HIBCH: variants seen among roughly 807,000 people sequenced by gnomAD.
HIBCH encodes 3-hydroxyisobutyryl-CoA hydrolase, also known as 3-hydroxyisobutyryl-CoA hydrolase, mitochondrial.
In HIBCH, 50 loss-of-function variants were observed where a neutral mutation model predicts 58.2. The observed-to-expected ratio is 0.86, with a 90% confidence interval of 0.68 to 1.09. The LOEUF is 1.09. HIBCH is among the 50% of genes least tolerant of loss of function. The pLI is 0.00. For synonymous variants in HIBCH, 151 were observed against 146.9 expected (o/e 1.03, Z -0.20); for missense variants, 450 against 449.7 (o/e 1.00, Z -0.01).
intron 11 of HIBCH, 136 bp from the exon 12 acceptor site, chr2:190,213,211 C>A (rs1690555591): frequency 2.8e-6 from 2 of 719,672 alleles, no homozygotes; most frequent in Non-Finnish European, 2.3e-6. Context: ...CTTAATCCTG[C>A]CAAAGCACCA....
chr2:190,263,494 C>T (rs1687150501), intron 6 of HIBCH, among the ~76,000 whole-genome samples: 2 of 152,274 alleles, frequency 1.3e-5, no homozygotes, highest in South Asian at 4.2e-4. Context: ...TCCTTCTACT[C>T]CACTTCACTC....
At position 190,319,745 on chromosome 2, in the gene HIBCH, C is replaced by T; in HGVS notation, c.6G>A (p.Gly2=). The T allele has an allele frequency of 1.2e-6, 2 of 1,612,738 alleles. No homozygotes were observed. The highest frequency in any genetic ancestry group is 1.6e-4 in the Middle Eastern group (1 of 6,062). ...ACATGAGCCTCCACATCTCGCGCTG[C>T]CCCATCGCCAAACACTCCGAAGCTA... M[G]QREMWRLMSR... is the part of the protein sequence containing the mutation. Residue 2 remains glycine (G), a synonymous_variant, in exon 1 of 14, where the codon GGG becomes GGA. Coordinates refer to ENST00000359678, the MANE Select transcript of HIBCH (RefSeq NM_014362.4).
In HIBCH at chr2:190,204,434, G is replaced by A. The variant is rs942528184; in HGVS notation, c.*683C>T. ...GGGATGGTATTCTGATTATTTTAGG[G>A]AAGACCAAGTCTGAGTTAATACTGA... On this transcript the variant is annotated 3_prime_UTR_variant, in exon 14 of 14. Coordinates refer to ENST00000359678, the MANE Select transcript of HIBCH (RefSeq NM_014362.4). The A allele has an allele frequency of 2.6e-5, 4 of 152,064 alleles. No homozygotes were observed. The highest frequency in any genetic ancestry group is 1.3e-4 in the Admixed American group (2 of 15,254). 9.4% of individuals were successfully genotyped at this position (152,064 alleles called of 1,614,324 possible). A position where few individuals can be genotyped will look rare whatever the true frequency, so the allele number is the denominator to read the frequency against.
intron 6 of HIBCH, among the ~76,000 whole-genome samples, chr2:190,276,046 C>A (rs1248929279): frequency 6.6e-6 from 1 of 152,154 alleles, no homozygotes; most frequent in Non-Finnish European, 1.5e-5. Context: ...CATGGCTTTA[C>A]CAGTATGATC....
At chr2:190,261,121 T>C (rs1219437105) in intron 7 of HIBCH, 35 bp downstream of exon 7, 7 of 1,468,204 alleles carry the variant, frequency 4.8e-6, no homozygotes, top group Non-Finnish European at 1.9e-6. Context: ...AAGATGATGC[T>C]AAAAGTAATT....
rs548346339 is a variant in HIBCH, at chr2:190,254,557, CTAAACAGAACCA to C, written c.518-2262_518-2251del. 2.8e-3 allele frequency among the ~76,000 whole-genome samples: 420 copies of C among 152,282 alleles called. No homozygotes were observed. Among genetic ancestry groups the C allele is most frequent in the African/African-American group, 9.7e-3 (405 of 41,542 alleles). The stretch of plus-strand genomic sequence containing the variant: ...AACACTGAACTCTTAGATCTGCCAC[CTAAACAGAACCA>C]CATAGATAATAAGTATCTCACATTT... On this transcript the variant is annotated intron_variant, in intron 7 of 13. Coordinates refer to ENST00000359678, the MANE Select transcript of HIBCH (RefSeq NM_014362.4). This position sits in a 1 kb window ranked among gnomAD's most constrained non-coding sequence, Gnocchi z 5.0.
intron 2 of HIBCH, among the ~76,000 whole-genome samples, chr2:190,308,883 A>C (rs1426747489): frequency 6.6e-6 from 1 of 152,184 alleles, no homozygotes; most frequent in East Asian, 1.9e-4. Context: ...GGGCGTACAA[A>C]GTAAATCTAT....
Position 190,261,024 on chromosome 2 carries a change from T to TC in HIBCH, c.517+131dup. 4.2e-6 allele frequency: 3 copies of TC among 706,108 alleles called. No homozygotes were observed. The South Asian group carries it at 5.1e-5, about 12-fold the overall frequency. 43.7% of individuals were successfully genotyped at this position (706,108 alleles called of 1,614,324 possible). A position where few individuals can be genotyped will look rare whatever the true frequency, so the allele number is the denominator to read the frequency against. ...CTTCAAAGTATCTTCCTATTTAATT[T>TC]CTTTTTTAAAATCCTTTCATTGTTG... On this transcript the variant is annotated intron_variant, in intron 7 of 13. Coordinates refer to ENST00000359678, the MANE Select transcript of HIBCH (RefSeq NM_014362.4).
chr2:190,205,059 C>T lies in HIBCH; in HGVS notation c.*58G>A. On this transcript the variant is annotated 3_prime_UTR_variant, in exon 14 of 14. Coordinates refer to ENST00000359678, the MANE Select transcript of HIBCH (RefSeq NM_014362.4). ...AAAACAGGCAGCAGGCTGGATTTGG[C>T]CCACATGCTGTAGATTGCCAACCCA... The T allele has an allele frequency of 2.2e-6, 2 of 898,890 alleles. No homozygotes were observed. Among genetic ancestry groups the T allele is most frequent in the South Asian group, 2.7e-5 (2 of 73,702 alleles). 55.7% of individuals were successfully genotyped at this position (898,890 alleles called of 1,614,324 possible). A position where few individuals can be genotyped will look rare whatever the true frequency, so the allele number is the denominator to read the frequency against.
At chr2:190,261,101 A>G (rs1478647817) in intron 7 of HIBCH, 55 bp downstream of exon 7, 2 of 1,271,910 alleles carry the variant, frequency 1.6e-6, no homozygotes, top group Non-Finnish European at 2.3e-6. Flanking sequence ...ACTCTGAAAC[A>G]TATCAAAAGA....
intron 6 of HIBCH, among the ~76,000 whole-genome samples, chr2:190,269,650 G>A (rs558195691): frequency 1.6e-4 from 24 of 152,310 alleles, no homozygotes; most frequent in African/African-American, 5.5e-4. Context: ...CAACCATTGT[G>A]GAAGACAGTT....
rs555231304 is a variant in HIBCH at position 190,195,185 on chromosome 2, T to C, written c.*18-5188A>G. Reference sequence around the variant, plus strand: ...ACTCATTTATTTTTAATGCTGAATATGTTCCATTGTTTAGATGTGCCACAG... The same window carrying C: ...ACTCATTTATTTTTAATGCTGAATACGTTCCATTGTTTAGATGTGCCACAG... On this transcript the variant is annotated intron_variant, in intron 1 of 1. Coordinates refer to the HIBCH transcript ENST00000399855. Among the ~76,000 whole-genome samples, 35 of 152,280 alleles carry C rather than the reference T, an allele frequency of 2.3e-4. No individual in the cohort carries two copies. In the Middle Eastern group the frequency reaches 0.01, roughly 44 times the overall value.
intron 6 of HIBCH, among the ~76,000 whole-genome samples, chr2:190,270,983 A>G (rs1488883732): frequency 6.6e-6 from 1 of 152,130 alleles, no homozygotes; most frequent in Non-Finnish European, 1.5e-5. Flanking sequence ...TCAACAACAA[A>G]TAATTGAGAG....
At chr2:190,245,441 T>TA (rs925968347) in intron 10 of HIBCH, 61 of 152,628 alleles carry the variant, frequency 4.0e-4, no homozygotes, top group Admixed American at 1.1e-3. Context: ...CTTCTCCACT[T>TA]AAAAAAAAAA....
intron 10 of HIBCH, 92 bp from the exon 11 acceptor site, chr2:190,245,060 CT>C: frequency 1.2e-6 from 1 of 829,124 alleles, no homozygotes; most frequent in Non-Finnish European, 2.1e-6. Flanking sequence ...TCCCCCACCT[CT>C]GTTTCAATAA....
rs151336080 is a variant in HIBCH at position 190,306,047 on chromosome 2, G to A, written c.78+4707C>T. 0.011 allele frequency among the ~76,000 whole-genome samples: 1,722 copies of A among 152,170 alleles called. 16 individuals are homozygous for A. Among genetic ancestry groups the A allele is most frequent in the Non-Finnish European group, 0.018 (1,243 of 68,002 alleles). On this transcript the variant is annotated intron_variant, in intron 2 of 13. Transcript: ENST00000359678. The surrounding 1 kb of genome is among the most constrained non-coding windows in gnomAD (Gnocchi z 4.6). Reference sequence around the variant, plus strand: ...CCTCCCACTGTTAATTCAGCAACTTGCCATGGTCATCTTCCCATGTCACTA... The same window carrying A: ...CCTCCCACTGTTAATTCAGCAACTTACCATGGTCATCTTCCCATGTCACTA...
At chr2:190,311,477 A>G (rs1437003274) in intron 1 of HIBCH, among the ~76,000 whole-genome samples, 1 of 152,228 alleles carries the variant, frequency 6.6e-6, no homozygotes, top group African/African-American at 2.4e-5. Flanking sequence ...GGTTTGTTAA[A>G]GATGCAATAC....
At chr2:190,256,007 G>C (rs1019761281) in intron 7 of HIBCH, among the ~76,000 whole-genome samples, 1 of 152,126 alleles carries the variant, frequency 6.6e-6, no homozygotes, top group South Asian at 2.1e-4. Flanking sequence ...AGCAAGCTTG[G>C]ACCTTCTCAC....
intron 4 of HIBCH, among the ~76,000 whole-genome samples, chr2:190,291,341 G>A (rs567769626): frequency 6.6e-6 from 1 of 152,334 alleles, no homozygotes; most frequent in African/African-American, 2.4e-5. Flanking sequence ...AAGGATTGGG[G>A]TGCTGTCAGA....
Sources: gnomAD v4.1 joint callset for allele counts (sites outside exome capture counted in the v4.1 genomes callset) on GRCh38, gnomAD v4.1.1 for gene constraint, Gnocchi (gnomAD v3.1) non-coding constraint, MANE v1.5 for transcripts, NCBI Gene and HGNC (gene_info 2026-07-23, HGNC 2026-07-21) for gene names.